NDUFAF2: variants seen among roughly 807,000 people sequenced by gnomAD.
The protein encoded by NDUFAF2 is NADH:ubiquinone oxidoreductase complex assembly factor 2, also known as NADH dehydrogenase [ubiquinone] 1 alpha subcomplex assembly factor 2.
Under a neutral mutation model 22.8 loss-of-function variants are expected in NDUFAF2, and 13 were observed. That is an observed-to-expected ratio of 0.57 (90% CI 0.37 to 0.91). The LOEUF (loss-of-function observed/expected upper bound fraction) is 0.91. Ranked by LOEUF, NDUFAF2 falls within the 40% of genes least tolerant of loss-of-function variation. NDUFAF2 has a pLI of 0.01. For synonymous variants in NDUFAF2, 53 were observed against 64.2 expected (o/e 0.83, Z 0.84); for missense variants, 162 against 195.2 (o/e 0.83, Z 1.01).
chr5:61,000,028 A>T (rs1237602226), intron 1 of NDUFAF2, among the ~76,000 whole-genome samples: 1 of 152,104 alleles, frequency 6.6e-6, no homozygotes, highest in Non-Finnish European at 1.5e-5. Flanking sequence ...TGGACAAAAT[A>T]AAAAAGTTTT....
intron 1 of NDUFAF2, among the ~76,000 whole-genome samples, chr5:60,970,373 A>AT (rs1347987053): frequency 6.6e-6 from 1 of 151,972 alleles, no homozygotes; most frequent in Non-Finnish European, 1.5e-5. Context: ...ATATCATTCT[A>AT]TTTTTTTGCA....
At chr5:61,066,202 TAAAG>T (rs1291103895) in intron 1 of NDUFAF2, among the ~76,000 whole-genome samples, 1 of 151,862 alleles carries the variant, frequency 6.6e-6, no homozygotes, top group African/African-American at 2.4e-5. Flanking sequence ...TGAGAGAAAT[TAAAG>T]AACACACAGA....
intron 1 of NDUFAF2, among the ~76,000 whole-genome samples, chr5:61,066,122 A>G (rs148880564): frequency 1.9e-4 from 29 of 152,200 alleles, no homozygotes; most frequent in African/African-American, 7.0e-4. Context: ...ATTAAATAAC[A>G]TAAGATACTA....
intron 1 of NDUFAF2, among the ~76,000 whole-genome samples, chr5:61,060,179 T>C (rs549122049): frequency 1.3e-5 from 2 of 152,284 alleles, no homozygotes; most frequent in African/African-American, 4.8e-5. Flanking sequence ...AAACATTGCT[T>C]GGTGAACAGC....
intron 1 of NDUFAF2, among the ~76,000 whole-genome samples, chr5:60,998,647 C>T (rs1354922658): frequency 6.6e-6 from 1 of 152,006 alleles, no homozygotes; most frequent in Admixed American, 6.6e-5. Context: ...AATGCTATGA[C>T]TTAACCCTAA....
intron 3 of NDUFAF2, among the ~76,000 whole-genome samples, chr5:61,143,570 G>A (rs1741087733): frequency 6.6e-6 from 1 of 151,948 alleles, no homozygotes; most frequent in Non-Finnish European, 1.5e-5. Flanking sequence ...TGTCACAAAT[G>A]TACCGCTAAT....
intron 1 of NDUFAF2, among the ~76,000 whole-genome samples, chr5:61,046,687 A>G (rs1751958189): frequency 6.6e-6 from 1 of 152,204 alleles, no homozygotes; most frequent in African/African-American, 2.4e-5. Context: ...TTAAAATTCA[A>G]GATAACCTTG....
intron 3 of NDUFAF2, among the ~76,000 whole-genome samples, chr5:61,133,969 C>A (rs570167313): frequency 6.6e-6 from 1 of 152,076 alleles, no homozygotes; most frequent in African/African-American, 2.4e-5. Flanking sequence ...GGTGAAAATA[C>A]GTAATTTGGC....
At chr5:61,078,173 T>C (rs763353777) in intron 2 of NDUFAF2, among the ~76,000 whole-genome samples, 1 of 152,174 alleles carries the variant, frequency 6.6e-6, no homozygotes, top group Non-Finnish European at 1.5e-5. Flanking sequence ...GGGGGTTCCT[T>C]GTTTACTTAT....
chr5:60,945,360 C>T lies in NDUFAF2; in HGVS notation c.105C>T (p.Ile35=), dbSNP rs201295435. Residue 35 remains isoleucine (I), a synonymous_variant, in exon 1 of 4, where the codon ATC becomes ATT. Transcript: ENST00000296597. Reference sequence around the variant, plus strand: ...AATTCGGGAACAAATACTACTACATCCCGCAGTACAAGAACTGGAGAGGTG... The same window carrying T: ...AATTCGGGAACAAATACTACTACATTCCGCAGTACAAGAACTGGAGAGGTG... ...TDQFGNKYYY[I]PQYKNWRGQT... 12 of 1,614,166 alleles carry T rather than the reference C, an allele frequency of 7.4e-6. 1 individual carries two copies. The highest frequency in any genetic ancestry group is 6.6e-5 in the South Asian group (6 of 91,078).
intron 1 of NDUFAF2, among the ~76,000 whole-genome samples, chr5:61,020,799 G>A (rs1751572195): frequency 6.6e-6 from 1 of 152,048 alleles, no homozygotes; most frequent in Non-Finnish European, 1.5e-5. Flanking sequence ...CTGGTTCAGT[G>A]ATTCTCCTGC....
At chr5:61,007,119 A>G (rs575613766) in intron 1 of NDUFAF2, among the ~76,000 whole-genome samples, 1 of 152,096 alleles carries the variant, frequency 6.6e-6, no homozygotes, top group East Asian at 1.9e-4. Context: ...TCTTTAGTTT[A>G]ATTAGATCCC....
chr5:61,045,363 A>T (rs1751940582), intron 1 of NDUFAF2, among the ~76,000 whole-genome samples: 2 of 149,904 alleles, frequency 1.3e-5, no homozygotes, highest in Admixed American at 1.3e-4. Flanking sequence ...TTAAAATTTC[A>T]TTTTAAAATT....
chr5:61,132,904 A>G (rs1206003417), intron 3 of NDUFAF2, among the ~76,000 whole-genome samples: 1 of 151,098 alleles, frequency 6.6e-6, no homozygotes, highest in African/African-American at 2.4e-5. Context: ...ATCACTTTAT[A>G]TCCTAGGTTA....
At chr5:61,029,592 G>T (rs1473604073) in intron 1 of NDUFAF2, among the ~76,000 whole-genome samples, 1 of 151,998 alleles carries the variant, frequency 6.6e-6, no homozygotes, top group Non-Finnish European at 1.5e-5. Context: ...CTAGGCCTGT[G>T]CTCTGAAATT....
intron 3 of NDUFAF2, among the ~76,000 whole-genome samples, chr5:61,135,968 C>A (rs1182802080): frequency 7.2e-6 from 1 of 138,286 alleles, no homozygotes; most frequent in African/African-American, 2.9e-5. Context: ...GCACTTCAAC[C>A]TAGCCCTCTT....
At chr5:60,948,336 C>G (rs1165043653) in intron 1 of NDUFAF2, among the ~76,000 whole-genome samples, 1 of 152,160 alleles carries the variant, frequency 6.6e-6, no homozygotes, top group East Asian at 1.9e-4. Flanking sequence ...TCTCCTGCGT[C>G]AGCCTCCCAA....
intron 1 of NDUFAF2, among the ~76,000 whole-genome samples, chr5:60,970,200 T>A (rs773464484): frequency 1.3e-4 from 20 of 152,208 alleles, no homozygotes; most frequent in Admixed American, 2.0e-4. Context: ...TAGCTTTGGC[T>A]ATTCAGGGTA....
intron 1 of NDUFAF2, among the ~76,000 whole-genome samples, chr5:60,972,135 GT>G (rs1191806530): frequency 6.6e-6 from 1 of 151,552 alleles, no homozygotes. Flanking sequence ...TAGAGATGGG[GT>G]TTCACCATGT....
Sources: allele counts gnomAD v4.1 joint callset (sites outside exome capture counted in the v4.1 genomes callset), GRCh38; gene constraint gnomAD v4.1.1; transcripts MANE v1.5; gene names NCBI Gene and HGNC (gene_info 2026-07-23, HGNC 2026-07-21).